Variants in DNAAF10 observed in about 807,000 individuals in gnomAD.
The protein encoded by DNAAF10 is WD repeat domain 92.
DNAAF10 carries 28 observed loss-of-function variants against 43.7 expected under a neutral mutation model. That is an observed-to-expected ratio of 0.64 (90% CI 0.48 to 0.88). The LOEUF (loss-of-function observed/expected upper bound fraction) is 0.88. Among genes scored for constraint, DNAAF10 ranks in the 40% least tolerant of loss-of-function variants. The pLI, the probability that DNAAF10 is intolerant of heterozygous loss-of-function variation, is 0.00. For missense variants in DNAAF10, 403 were observed against 439.1 expected (o/e 0.92, Z 0.73); for synonymous variants, 156 against 157.3 (o/e 0.99, Z 0.06).
intron 5 of DNAAF10, 98 bp from the exon 6 acceptor site, chr2:68,137,531 T>A: frequency 8.7e-7 from 1 of 1,147,278 alleles, no homozygotes; most frequent in Non-Finnish European, 1.2e-6. Flanking sequence ...TCAGATAATG[T>A]GAAAGCACTC....
chr2:68,154,545 G>A (rs909682153), intron 1 of DNAAF10, among the ~76,000 whole-genome samples: 1 of 151,876 alleles, frequency 6.6e-6, no homozygotes, highest in Non-Finnish European at 1.5e-5. Context: ...CACACCCGGC[G>A]TGAAAATACA....
chr2:68,130,299 T>G lies in DNAAF10; in HGVS notation c.*939A>C, dbSNP rs1334600353. 1 of 151,398 alleles carries G rather than the reference T, an allele frequency of 6.6e-6. No homozygotes were observed. The highest frequency in any genetic ancestry group is 1.5e-5 in the Non-Finnish European group (1 of 67,858). 9.4% of individuals were successfully genotyped at this position (151,398 alleles called of 1,614,324 possible). A position where few individuals can be genotyped will look rare whatever the true frequency, so the allele number is the denominator to read the frequency against. On this transcript the variant is annotated 3_prime_UTR_variant, in exon 8 of 8. Coordinates refer to ENST00000295121, the MANE Select transcript of DNAAF10 (RefSeq NM_138458.4). ...GCGCCCGCCACTAAGCCCAGCTAAT[T>G]TTTTGTATTTTTAGTAGAGACGGGT...
At chr2:68,149,322 G>T (rs1673399142) in intron 1 of DNAAF10, among the ~76,000 whole-genome samples, 1 of 152,092 alleles carries the variant, frequency 6.6e-6, no homozygotes, top group Non-Finnish European at 1.5e-5. Context: ...GTTACTACGT[G>T]GCCAAGTCTA....
At chr2:68,145,558 T>C (rs1201612015) in intron 2 of DNAAF10, among the ~76,000 whole-genome samples, 2 of 152,252 alleles carry the variant, frequency 1.3e-5, no homozygotes, top group Non-Finnish European at 1.5e-5. Context: ...GTGTTTACTT[T>C]GTACACATTT....
At chr2:68,147,015 A>G (rs2103626438) in intron 2 of DNAAF10, among the ~76,000 whole-genome samples, 1 of 152,336 alleles carries the variant, frequency 6.6e-6, no homozygotes, top group African/African-American at 2.4e-5. Context: ...GATTTGTTCA[A>G]CAGATATGTT....
At chr2:68,154,981 C>T (rs1488471659) in intron 1 of DNAAF10, among the ~76,000 whole-genome samples, 1 of 151,874 alleles carries the variant, frequency 6.6e-6, no homozygotes, top group East Asian at 1.9e-4. Context: ...CCCATGTTGC[C>T]TAGGCTGGTC....
chr2:68,156,045 T>C (rs983666459), intron 1 of DNAAF10, among the ~76,000 whole-genome samples: 1 of 136,204 alleles, frequency 7.3e-6, no homozygotes, highest in Non-Finnish European at 1.5e-5. Flanking sequence ...GAGGTTGCAG[T>C]GAGCTGTGTT....
Position 68,157,454 on chromosome 2 carries a change from A to G in DNAAF10, c.-11T>C. On this transcript the variant is annotated 5_prime_UTR_variant, in exon 1 of 8. Coordinates refer to ENST00000295121, the MANE Select transcript of DNAAF10 (RefSeq NM_138458.4). ...CTCGAAGGCCGACATGGTGCAGCCA[A>G]TTTCAGCTACGGCAACCGCCACACC... 6.2e-7 allele frequency: 1 copy of G among 1,613,988 alleles called. No homozygotes were observed. The highest frequency in any genetic ancestry group is 8.5e-7 in the Non-Finnish European group (1 of 1,179,976).
At chr2:68,156,101 CAAAAAAAAAAAAAAAA>C (rs10606309) in intron 1 of DNAAF10, among the ~76,000 whole-genome samples, 1 of 58,586 alleles carries the variant, frequency 1.7e-5, no homozygotes, top group Non-Finnish European at 3.0e-5. Flanking sequence ...GACCCTGTCT[CAAAAAAAAAAAAAAAA>C]AAAAAAAAGC....
chr2:68,153,749 T>G lies in DNAAF10; in HGVS notation c.183+3512A>C, dbSNP rs868675989. ...AGAACAGCCAAACACAATGAAGTTTTTTTTTTTTTTTTTTTTTTTTGGAGA... is the reference window on the plus strand; with the variant it reads ...AGAACAGCCAAACACAATGAAGTTTGTTTTTTTTTTTTTTTTTTTTGGAGA... On this transcript the variant is annotated intron_variant, in intron 1 of 7. Coordinates refer to ENST00000295121, the MANE Select transcript of DNAAF10 (RefSeq NM_138458.4). Among the ~76,000 whole-genome samples the G allele has an allele frequency of 8.4e-5, 12 of 142,200 alleles. 1 individual carries two copies. The highest frequency in any genetic ancestry group is 1.4e-4 in the Admixed American group (2 of 14,218). The allele number at this position is 142,200 out of a possible 152,430, so 93.3% of individuals were successfully genotyped here.
intron 1 of DNAAF10, among the ~76,000 whole-genome samples, chr2:68,152,310 C>CAACGTATTAAACGTATTATG (rs1381867089): frequency 3.3e-5 from 5 of 152,202 alleles, no homozygotes; most frequent in African/African-American, 1.2e-4. Flanking sequence ...TGTATATCTT[C>CAACGTATTAAACGTATTATG]AACGTATTAA....
intron 1 of DNAAF10, among the ~76,000 whole-genome samples, chr2:68,151,069 C>T (rs566501247): frequency 2.8e-4 from 43 of 152,340 alleles, no homozygotes; most frequent in African/African-American, 1.0e-3. Context: ...CATTGCATCC[C>T]TTCTAAAAGT....
intron 1 of DNAAF10, among the ~76,000 whole-genome samples, chr2:68,154,005 G>A (rs80092769): frequency 7.2e-5 from 11 of 151,840 alleles, no homozygotes; most frequent in Admixed American, 2.0e-4. Context: ...CCCCCGCCTC[G>A]GCCTCTCAAA....
At chr2:68,156,172 G>A (rs943704389) in intron 1 of DNAAF10, among the ~76,000 whole-genome samples, 1 of 151,004 alleles carries the variant, frequency 6.6e-6, no homozygotes, top group African/African-American at 2.4e-5. Context: ...AAGGAACGAA[G>A]GAAAGGTAGA....
chr2:68,134,647 C>G, intron 7 of DNAAF10, 55 bp downstream of exon 7: 1 of 1,578,456 alleles, frequency 6.3e-7, no homozygotes, highest in South Asian at 1.2e-5. Flanking sequence ...CAATCTAATC[C>G]TACTTTACAC....
chr2:68,154,108 G>C (rs964104390), intron 1 of DNAAF10, among the ~76,000 whole-genome samples: 1 of 152,068 alleles, frequency 6.6e-6, no homozygotes, highest in African/African-American at 2.4e-5. Flanking sequence ...TTGGACAGTA[G>C]GCTCTTTAGG....
intron 4 of DNAAF10, among the ~76,000 whole-genome samples, chr2:68,139,296 A>G (rs1286560506): frequency 6.6e-6 from 1 of 152,088 alleles, no homozygotes; most frequent in Non-Finnish European, 1.5e-5. Context: ...TCGCCATGTG[A>G]CATGCCTGCT....
chr2:68,142,012 T>C (rs901766853), intron 3 of DNAAF10, among the ~76,000 whole-genome samples: 2 of 152,170 alleles, frequency 1.3e-5, no homozygotes, highest in Non-Finnish European at 2.9e-5. Flanking sequence ...TCCAAATTAA[T>C]AGACACACAG....
chr2:68,144,846 T>C, intron 2 of DNAAF10, 131 bp from the exon 3 acceptor site: 2 of 1,188,108 alleles, frequency 1.7e-6, no homozygotes, highest in Non-Finnish European at 2.3e-6. Flanking sequence ...AGATAGTTTA[T>C]ACATTTATTT....
Sources: gnomAD v4.1 joint callset for allele counts (sites outside exome capture counted in the v4.1 genomes callset) on GRCh38, gnomAD v4.1.1 for gene constraint, MANE v1.5 for transcripts, NCBI Gene and HGNC (gene_info 2026-07-23, HGNC 2026-07-21) for gene names.